The following SIPA1L3 variants were observed in gnomAD, a reference collection of about 807,000 sequenced individuals.
The protein encoded by SIPA1L3 is signal induced proliferation associated 1 like 3.
Under a neutral mutation model 150.1 loss-of-function variants are expected in SIPA1L3, and 59 were observed. The observed-to-expected ratio is 0.39, with a 90% CI of 0.32 to 0.49. SIPA1L3 has a LOEUF of 0.49. SIPA1L3 is among the 20% of genes least tolerant of loss of function. The pLI, the probability that SIPA1L3 is intolerant of heterozygous loss-of-function variation, is 0.86. For synonymous variants in SIPA1L3, 1,070 were observed against 1,077.6 expected (o/e 0.99, Z 0.14); for missense variants, 2,211 against 2,489.5 (o/e 0.89, Z 2.38).
In SIPA1L3 at chr19:38,207,332, A is replaced by AAGGC. The variant is rs1973241961; in HGVS notation, c.*1094_*1097dup. The AAGGC allele has an allele frequency of 6.6e-6, 1 of 150,422 alleles. No homozygotes were observed. Among genetic ancestry groups the AAGGC allele is most frequent in the Non-Finnish European group, 1.5e-5 (1 of 67,628 alleles). 9.3% of individuals were successfully genotyped at this position (150,422 alleles called of 1,614,324 possible). ...AACCCCACTGGACGCTGGTTCTCTA[A>AAGGC]AGGCAATAAGGGGCGGCCATGCCGG... On this transcript the variant is annotated 3_prime_UTR_variant, in exon 22 of 22. Coordinates refer to ENST00000222345, the MANE Select transcript of SIPA1L3 (RefSeq NM_015073.3).
chr19:37,946,155 C>CAA (rs35985422), intron 1 of SIPA1L3, among the ~76,000 whole-genome samples: 4 of 135,010 alleles, frequency 3.0e-5, no homozygotes, highest in Admixed American at 7.4e-5. Flanking sequence ...GACTTTGTCT[C>CAA]AAAAAAAAAA....
At chr19:38,168,286 C>G (rs1210082133) in intron 15 of SIPA1L3, among the ~76,000 whole-genome samples, 2 of 152,032 alleles carry the variant, frequency 1.3e-5, no homozygotes, top group Non-Finnish European at 2.9e-5. Context: ...ACTCGGGAGG[C>G]TGAGGCAGGA....
At chr19:37,960,865 A>AT (rs1181266026) in intron 1 of SIPA1L3, among the ~76,000 whole-genome samples, 56 of 150,750 alleles carry the variant, frequency 3.7e-4, no homozygotes, top group African/African-American at 1.3e-3. Context: ...ATTTTAAAAA[A>AT]AAATATATTT....
intron 2 of SIPA1L3, among the ~76,000 whole-genome samples, chr19:38,057,273 C>T (rs1306797422): frequency 7.5e-6 from 1 of 132,628 alleles, no homozygotes; most frequent in Admixed American, 7.3e-5. Flanking sequence ...GACTCCATCT[C>T]AAATATATAT....
At chr19:38,089,607 T>C (rs946760256) in intron 4 of SIPA1L3, among the ~76,000 whole-genome samples, 2 of 152,200 alleles carry the variant, frequency 1.3e-5, no homozygotes, top group South Asian at 2.1e-4. Context: ...ACTGCTGTTA[T>C]GCCAATCAGC....
intron 1 of SIPA1L3, chr19:37,963,899 C>CA (rs1233409978): frequency 1.3e-5 from 2 of 152,062 alleles, no homozygotes; most frequent in Non-Finnish European, 2.9e-5. Context: ...ATATTTCAGT[C>CA]AATTTGGAAG....
intron 4 of SIPA1L3, among the ~76,000 whole-genome samples, chr19:38,095,017 G>A (rs533321313): frequency 6.6e-6 from 1 of 152,342 alleles, no homozygotes; most frequent in East Asian, 1.9e-4. Flanking sequence ...AGAGGTTGCA[G>A]TGAGCCAAAA....
chr19:38,066,257 A>G (rs1406501132), intron 2 of SIPA1L3, among the ~76,000 whole-genome samples: 1 of 151,992 alleles, frequency 6.6e-6, no homozygotes, highest in African/African-American at 2.4e-5. Flanking sequence ...CCCTCAAGGG[A>G]TCCTCTTGCC....
At chr19:37,973,664 C>G (rs983336657) in intron 1 of SIPA1L3, among the ~76,000 whole-genome samples, 5 of 151,758 alleles carry the variant, frequency 3.3e-5, no homozygotes, top group African/African-American at 1.2e-4. Flanking sequence ...ATGCCTGTCC[C>G]CCATCCCACA....
intron 1 of SIPA1L3, among the ~76,000 whole-genome samples, chr19:37,977,562 A>G (rs1599860712): frequency 6.6e-6 from 1 of 152,052 alleles, no homozygotes; most frequent in African/African-American, 2.4e-5. Flanking sequence ...GGCAGGTCCC[A>G]TGATTGGCAG....
intron 16 of SIPA1L3, among the ~76,000 whole-genome samples, chr19:38,189,749 G>C (rs1972764984): frequency 6.6e-6 from 1 of 152,152 alleles, no homozygotes; most frequent in Non-Finnish European, 1.5e-5. Context: ...CTGGGCAACA[G>C]AGCAAGACCC....
At chr19:38,137,715 C>T (rs1971466148) in intron 10 of SIPA1L3, among the ~76,000 whole-genome samples, 1 of 152,034 alleles carries the variant, frequency 6.6e-6, no homozygotes, top group Non-Finnish European at 1.5e-5. Context: ...GCCTTGAACT[C>T]CTGGGATCAA....
intron 12 of SIPA1L3, among the ~76,000 whole-genome samples, chr19:38,152,583 TC>T (rs1044511324): frequency 1.4e-4 from 22 of 152,024 alleles, no homozygotes; most frequent in African/African-American, 4.8e-4. Flanking sequence ...GCCCCCTCCT[TC>T]CCTTAGGAAC....
chr19:38,135,380 G>A (rs1387116061), intron 10 of SIPA1L3, among the ~76,000 whole-genome samples: 1 of 152,052 alleles, frequency 6.6e-6, no homozygotes, highest in Non-Finnish European at 1.5e-5. Context: ...TACCCTGCCC[G>A]GAGCCACAGC....
chr19:37,988,370 T>A (rs34036902), intron 1 of SIPA1L3, among the ~76,000 whole-genome samples: 26,624 of 151,940 alleles, frequency 0.18, 2,577 homozygotes, highest in South Asian at 0.29. Flanking sequence ...TTATAATTTT[T>A]AAAAAATTAT....
At chr19:38,002,729 A>G (rs933793817) in intron 1 of SIPA1L3, among the ~76,000 whole-genome samples, 2 of 150,006 alleles carry the variant, frequency 1.3e-5, no homozygotes, top group African/African-American at 4.9e-5. Flanking sequence ...AAAAAAAAAA[A>G]AAAAAAAAAA....
At chr19:37,945,904 C>G (rs1306928914) in intron 1 of SIPA1L3, among the ~76,000 whole-genome samples, 1 of 151,994 alleles carries the variant, frequency 6.6e-6, no homozygotes, top group Non-Finnish European at 1.5e-5. Context: ...CCTGTAATAC[C>G]AGCACTTTGG....
chr19:38,122,159 T>G (rs550168641), intron 9 of SIPA1L3, among the ~76,000 whole-genome samples: 75 of 152,218 alleles, frequency 4.9e-4, no homozygotes, highest in African/African-American at 1.6e-3. Context: ...AGGCAGAGGT[T>G]GCAGTGAGCT....
In SIPA1L3 at chr19:38,152,998, C is replaced by T. The variant is rs147154925; in HGVS notation, c.3661+31C>T. On this transcript the variant is annotated intron_variant, in intron 13 of 21. Coordinates refer to ENST00000222345, the MANE Select transcript of SIPA1L3 (RefSeq NM_015073.3). ...GCCCCCACCAGCTGCTGCGCCCACC[C>T]GCCTGCCTCACTCCGCAGGACCTCT... 811 of 1,604,954 alleles carry T rather than the reference C, an allele frequency of 5.1e-4. 2 individuals carry two copies. The African/African-American group carries it at 8.9e-3, about 18-fold the overall frequency.
Sources: allele counts gnomAD v4.1 joint callset (sites outside exome capture counted in the v4.1 genomes callset), GRCh38; gene constraint gnomAD v4.1.1; transcripts MANE v1.5; gene names NCBI Gene and HGNC (gene_info 2026-07-23, HGNC 2026-07-21).